The following VAC14 variants were observed in gnomAD, a reference collection of about 807,000 sequenced individuals.
VAC14 encodes the protein VAC14 component of PIKFYVE complex.
Under a neutral mutation model 85.3 loss-of-function variants are expected in VAC14, and 47 were observed. The observed-to-expected ratio is 0.55, with a 90% CI of 0.44 to 0.70. The LOEUF (loss-of-function observed/expected upper bound fraction) is 0.70. Among genes scored for constraint, VAC14 ranks in the 30% least tolerant of loss-of-function variants. The probability of loss-of-function intolerance (pLI) is 0.00; values close to 1 mark genes in which losing one functional copy is unlikely to be tolerated. For synonymous variants in VAC14, 447 were observed against 430.5 expected, an observed-to-expected ratio of 1.04 and a Z score of -0.47; for missense variants, 861 against 1,004.3, an observed-to-expected ratio of 0.86 and a Z score of 1.93.
intron 12 of VAC14, among the ~76,000 whole-genome samples, chr16:70,744,832 G>A (rs750547032): frequency 3.9e-5 from 6 of 152,186 alleles, no homozygotes; most frequent in Non-Finnish European, 7.4e-5. Context: ...TCTGAGGTTC[G>A]GAGAGTCAGC....
At chr16:70,736,194 T>C (rs1185893601) in intron 13 of VAC14, among the ~76,000 whole-genome samples, 1 of 152,186 alleles carries the variant, frequency 6.6e-6, no homozygotes, top group East Asian at 1.9e-4. Flanking sequence ...AGTTTCCTCA[T>C]CTGTAAAGTG....
At position 70,783,489 on chromosome 16, in the gene VAC14, T is replaced by A. The variant is rs761197575; in HGVS notation, c.660A>T (p.Gly220=). 1.7e-5 allele frequency: 27 copies of A among 1,613,774 alleles called. No individual in the cohort carries two copies. The highest frequency in any genetic ancestry group is 1.5e-4 in the Admixed American group (9 of 59,982). ...CATTGTCACCCAGGATCTGGAAGAG[T>A]CCATCCAGGATCTCCGGCAGGTAAT... ...LLDYLPEILD[G]LFQILGDNGK... is the part of the protein sequence containing the mutation. Residue 220 remains glycine, a synonymous_variant, in exon 6 of 19, where the codon GGA becomes GGT. Transcript: ENST00000261776.
At position 70,733,414 on chromosome 16, in the gene VAC14, A is replaced by AT. The variant is rs879405848; in HGVS notation, c.1529-1788dup. ...GCTGGTATTTTCTCCCATTCTGTTG[A>AT]TTTTTTTTTTTTGAGACAGGGTGAT... On this transcript the variant is annotated intron_variant, in intron 13 of 18. Transcript: ENST00000261776. Among the ~76,000 whole-genome samples, 326 of 145,052 alleles carry AT rather than the reference A, an allele frequency of 2.2e-3. 3 individuals carry two copies. The highest frequency in any genetic ancestry group is 0.021 in the South Asian group (94 of 4,558).
At position 70,687,793 on chromosome 16, in the gene VAC14, C is replaced by T. The variant is rs1400906548; in HGVS notation, c.*135G>A. 11 of 997,960 alleles carry T rather than the reference C, an allele frequency of 1.1e-5. No individual in the cohort carries two copies. Among genetic ancestry groups the T allele is most frequent in the Admixed American group, 4.1e-5 (1 of 24,190 alleles). 61.8% of individuals were successfully genotyped at this position (997,960 alleles called of 1,614,324 possible). A position where few individuals can be genotyped will look rare whatever the true frequency, so the allele number is the denominator to read the frequency against. ...GAGCTTGGGCAGACACAGCAGCCTC[C>T]GGCCCCAACACTGCCCTGGGTTGGC... On this transcript the variant is annotated 3_prime_UTR_variant, in exon 19 of 19. Transcript: ENST00000261776.
At chr16:70,798,630 G>A (rs1280369740) in intron 1 of VAC14, among the ~76,000 whole-genome samples, 2 of 152,168 alleles carry the variant, frequency 1.3e-5, no homozygotes, top group African/African-American at 4.8e-5. Flanking sequence ...ACAGATGAGA[G>A]GGTCTTTGAG....
intron 14 of VAC14, among the ~76,000 whole-genome samples, chr16:70,725,913 C>T (rs947597821): frequency 2.6e-5 from 4 of 152,234 alleles, no homozygotes; most frequent in Admixed American, 2.6e-4. Flanking sequence ...ATTACAGATG[C>T]AAGCATTCTC....
At chr16:70,710,714 C>T (rs953533291) in intron 14 of VAC14, among the ~76,000 whole-genome samples, 26 of 152,242 alleles carry the variant, frequency 1.7e-4, no homozygotes, top group Non-Finnish European at 1.2e-4. Context: ...ACGGAGGCCT[C>T]GGCAGGGCCC....
chr16:70,736,765 A>G (rs776442620), intron 13 of VAC14, among the ~76,000 whole-genome samples: 1 of 152,186 alleles, frequency 6.6e-6, no homozygotes, highest in Admixed American at 6.5e-5. Flanking sequence ...CAGTGCTCCC[A>G]AGGCTTAAAG....
At chr16:70,719,245 G>A (rs1021260408) in intron 14 of VAC14, among the ~76,000 whole-genome samples, 2 of 152,180 alleles carry the variant, frequency 1.3e-5, no homozygotes, top group Non-Finnish European at 2.9e-5. Flanking sequence ...CTCAGCATCC[G>A]CTTACTGGGA....
At chr16:70,729,658 TCTC>T (rs2054533003) in intron 14 of VAC14, among the ~76,000 whole-genome samples, 2 of 151,896 alleles carry the variant, frequency 1.3e-5, no homozygotes, top group South Asian at 2.1e-4. Flanking sequence ...TTTTCTGGCT[TCTC>T]CTTCTTTCCC....
At chr16:70,754,819 T>C (rs1366238038) in intron 12 of VAC14, among the ~76,000 whole-genome samples, 1 of 152,032 alleles carries the variant, frequency 6.6e-6, no homozygotes, top group Non-Finnish European at 1.5e-5. Context: ...GGTGTTTTTG[T>C]TTGTTTTGGA....
chr16:70,737,940 A>G (rs754233961), intron 13 of VAC14, among the ~76,000 whole-genome samples: 6 of 152,186 alleles, frequency 3.9e-5, no homozygotes, highest in Non-Finnish European at 5.9e-5. Context: ...GTTGGGGTCC[A>G]TGTGCCCGGA....
intron 13 of VAC14, among the ~76,000 whole-genome samples, chr16:70,732,771 T>G (rs1022866930): frequency 1.3e-5 from 2 of 151,918 alleles, no homozygotes; most frequent in Non-Finnish European, 2.9e-5. Flanking sequence ...GCCTCTTGAG[T>G]GCTGAGATTA....
At chr16:70,693,564 T>C (rs974773988) in intron 17 of VAC14, among the ~76,000 whole-genome samples, 1 of 152,158 alleles carries the variant, frequency 6.6e-6, no homozygotes, top group Non-Finnish European at 1.5e-5. Context: ...ATGCCAGCCC[T>C]GCCACCACCC....
chr16:70,737,059 G>T lies in VAC14; in HGVS notation c.1529-5432C>A, dbSNP rs188441756. ...TTGAGATGCTCTCTGAGGCAGGGCT[G>T]CAGGCTCAGGAGGAGGAGATGGGTG... On this transcript the variant is annotated intron_variant, in intron 13 of 18. Coordinates refer to ENST00000261776, the MANE Select transcript of VAC14 (RefSeq NM_018052.5). 1.5e-3 allele frequency among the ~76,000 whole-genome samples: 231 copies of T among 152,356 alleles called. 2 individuals are homozygous for T. The highest frequency in any genetic ancestry group is 5.4e-3 in the African/African-American group (224 of 41,590).
At chr16:70,797,166 G>C (rs1174900488) in intron 1 of VAC14, among the ~76,000 whole-genome samples, 10 of 152,228 alleles carry the variant, frequency 6.6e-5, no homozygotes, top group Non-Finnish European at 1.3e-4. Flanking sequence ...GTTATTTTGT[G>C]ATGCTCTAGG....
intron 14 of VAC14, among the ~76,000 whole-genome samples, chr16:70,730,646 G>A (rs2054564615): frequency 6.9e-6 from 1 of 144,894 alleles, no homozygotes; most frequent in Admixed American, 6.9e-5. Flanking sequence ...CGCCCAGGCT[G>A]GAGTGCAGTG....
At chr16:70,781,509 T>A (rs1177798275) in intron 8 of VAC14, among the ~76,000 whole-genome samples, 1 of 152,166 alleles carries the variant, frequency 6.6e-6, no homozygotes, top group African/African-American at 2.4e-5. Flanking sequence ...CTTGTCATAC[T>A]GGTGCCCCTG....
At position 70,762,865 on chromosome 16, in the gene VAC14, G is replaced by C; in HGVS notation, c.1305+16C>G. 1.2e-6 allele frequency: 2 copies of C among 1,614,116 alleles called. No individual in the cohort carries two copies. The highest frequency in any genetic ancestry group is 1.7e-6 in the Non-Finnish European group (2 of 1,179,998). ...ACCCAGAAGAGGCCCCTGGCTTGGA[G>C]GGGCCCAGGGCTCACCTTCCGAGGA... On this transcript the variant is annotated intron_variant, in intron 11 of 18. Coordinates refer to ENST00000261776, the MANE Select transcript of VAC14 (RefSeq NM_018052.5). This position sits in a 1 kb window ranked among gnomAD's most constrained non-coding sequence, Gnocchi z 4.1.
Sources: allele counts gnomAD v4.1 joint callset (sites outside exome capture counted in the v4.1 genomes callset), GRCh38; gene constraint gnomAD v4.1.1; non-coding constraint Gnocchi (gnomAD v3.1); transcripts MANE v1.5; gene names NCBI Gene and HGNC (gene_info 2026-07-23, HGNC 2026-07-21).